ACTN1: variants seen among roughly 807,000 people sequenced by gnomAD.
ACTN1 encodes the protein alpha-actinin-1.
ACTN1 carries 30 observed loss-of-function variants against 119.6 expected under a neutral mutation model. The ratio of observed to expected loss-of-function variants is 0.25; its 90% CI spans 0.19 to 0.34. The LOEUF (loss-of-function observed/expected upper bound fraction) is 0.34. Ranked by LOEUF, ACTN1 falls within the 10% of genes least tolerant of loss-of-function variation. The pLI, the probability that ACTN1 is intolerant of heterozygous loss-of-function variation, is 1.00. For synonymous variants in ACTN1, 429 were observed against 472.6 expected, an observed-to-expected ratio of 0.91 and a Z score of 1.20; for missense variants, 764 against 1,223.4, an observed-to-expected ratio of 0.62 and a Z score of 5.60.
rs36108835 is a variant in ACTN1, at chr14:68,925,318, CTTTTTTT to C, written c.220+233_220+239del. On this transcript the variant is annotated intron_variant, in intron 2 of 21. Coordinates refer to ENST00000394419, the MANE Select transcript of ACTN1 (RefSeq NM_001130004.2). This position sits in a 1 kb window ranked among gnomAD's most constrained non-coding sequence, Gnocchi z 4.3. The stretch of plus-strand genomic sequence containing the variant: ...GAAGGAACCTCAGTTCCTTCAAACC[CTTTTTTT>C]TTTTTTTTTTTTTTTTAAAACAAAC... Among the ~76,000 whole-genome samples the C allele has an allele frequency of 1.2e-4, 14 of 121,258 alleles. No individual in the cohort carries two copies. The highest frequency in any genetic ancestry group is 2.4e-4 in the African/African-American group (8 of 33,112). The allele number at this position is 121,258 out of a possible 152,430, so 79.5% of individuals were successfully genotyped here. A position where few individuals can be genotyped will look rare whatever the true frequency, so the allele number is the denominator to read the frequency against.
In ACTN1 at chr14:68,881,933, CTTCTTT is replaced by C. The variant is rs1168139514; in HGVS notation, c.1953+519_1953+524del. ...CCTAGTATGGGACTTTCATAGGCAG[CTTCTTT>C]TTTTTTTTTTTTTTTTGACAGAGTC... On this transcript the variant is annotated intron_variant, in intron 16 of 21. Coordinates refer to ENST00000394419, the MANE Select transcript of ACTN1 (RefSeq NM_001130004.2). 3.1e-3 allele frequency among the ~76,000 whole-genome samples: 218 copies of C among 70,930 alleles called. 1 individual carries two copies. Among genetic ancestry groups the C allele is most frequent in the Middle Eastern group, 0.023 (3 of 132 alleles). 46.5% of individuals were successfully genotyped at this position (70,930 alleles called of 152,430 possible).
intron 1 of ACTN1, among the ~76,000 whole-genome samples, chr14:68,939,531 T>G (rs1038556231): frequency 6.6e-6 from 1 of 152,226 alleles, no homozygotes; most frequent in Non-Finnish European, 1.5e-5. Flanking sequence ...GGGCTCAGTC[T>G]GCTACCAGAC....
intron 1 of ACTN1, among the ~76,000 whole-genome samples, chr14:68,944,092 T>C (rs1171586372): frequency 6.6e-6 from 1 of 152,166 alleles, no homozygotes; most frequent in Admixed American, 6.5e-5. Flanking sequence ...ACTTCAACGC[T>C]TAAAGCCAGC....
rs1202458508 is a variant in ACTN1, at chr14:68,874,316, G to C, written c.*543C>G. 6.6e-6 allele frequency: 1 copy of C among 152,336 alleles called. No homozygotes were observed. Among genetic ancestry groups the C allele is most frequent in the Non-Finnish European group, 1.5e-5 (1 of 68,056 alleles). The allele number at this position is 152,336 out of a possible 1,614,324, so 9.4% of individuals were successfully genotyped here. A position where few individuals can be genotyped will look rare whatever the true frequency, so the allele number is the denominator to read the frequency against. On this transcript the variant is annotated 3_prime_UTR_variant, in exon 22 of 22. Transcript: ENST00000394419. The stretch of plus-strand genomic sequence containing the variant: ...CATAAATTCTCTTCCTTAAAAAACA[G>C]CCATTTCAAAAGATTTTCTTTAATA...
intron 1 of ACTN1, among the ~76,000 whole-genome samples, chr14:68,946,148 C>T (rs75442387): frequency 6.6e-6 from 1 of 152,072 alleles, no homozygotes. Context: ...CACAACTGTC[C>T]GTAACAGGGC....
Position 68,897,991 on chromosome 14 carries a change from T to TC in ACTN1, c.763-4245dup, listed in dbSNP as rs572970716. Among the ~76,000 whole-genome samples the TC allele has an allele frequency of 1.2e-3, 187 of 152,198 alleles. No homozygotes were observed. The Middle Eastern group carries it at 0.014, about 11-fold the overall frequency. On this transcript the variant is annotated intron_variant, in intron 8 of 21. Coordinates refer to ENST00000394419, the MANE Select transcript of ACTN1 (RefSeq NM_001130004.2). ...CCCTTCCCAAGGCCTTGCTAAGCCT[T>TC]CCCCCCACAGACCTCATGTTCAAGT...
At chr14:68,910,540 G>A (rs745890998) in intron 4 of ACTN1, among the ~76,000 whole-genome samples, 17 of 152,136 alleles carry the variant, frequency 1.1e-4, no homozygotes, top group Non-Finnish European at 1.9e-4. Context: ...TTTACTGCAC[G>A]GATCAATACT....
At chr14:68,927,687 G>A (rs754368855) in intron 1 of ACTN1, among the ~76,000 whole-genome samples, 1 of 152,214 alleles carries the variant, frequency 6.6e-6, no homozygotes, top group Non-Finnish European at 1.5e-5. Context: ...ACAGGGAAGC[G>A]TATGTACCAA....
chr14:68,956,597 C>A (rs185779853), intron 1 of ACTN1, among the ~76,000 whole-genome samples: 1 of 152,236 alleles, frequency 6.6e-6, no homozygotes, highest in Non-Finnish European at 1.5e-5. Context: ...GAGTGAACCT[C>A]TCCACTTGGG....
rs542794327 is a variant in ACTN1 at position 68,978,840 on chromosome 14, C to T, written c.105+112G>A. ...CGGCCGCACCGCCCCCGCCCCCTCC[C>T]GTGCGCGCCCGGAACCGGTTCAGAG... On this transcript the variant is annotated intron_variant, in intron 1 of 21. Transcript: ENST00000394419. 8 of 648,494 alleles carry T rather than the reference C, an allele frequency of 1.2e-5. No homozygotes were observed. The South Asian group carries it at 2.0e-4, about 16-fold the overall frequency. The allele number at this position is 648,494 out of a possible 1,614,324, so 40.2% of individuals were successfully genotyped here. A position where few individuals can be genotyped will look rare whatever the true frequency, so the allele number is the denominator to read the frequency against.
chr14:68,915,617 G>C (rs10143675), intron 3 of ACTN1, among the ~76,000 whole-genome samples: 1 of 152,128 alleles, frequency 6.6e-6, no homozygotes, highest in East Asian at 1.9e-4. Flanking sequence ...AACCACAAGT[G>C]GGGGAATGGG....
At position 68,874,965 on chromosome 14, in the gene ACTN1, T is replaced by C; in HGVS notation, c.2639A>G (p.Glu880Gly). 1 of 1,613,832 alleles carries C rather than the reference T, an allele frequency of 6.2e-7. No homozygotes were observed. The highest frequency in any genetic ancestry group is 8.5e-7 in the Non-Finnish European group (1 of 1,179,988). The stretch of plus-strand genomic sequence containing the variant: ...GGGGGCCATCCGCGCGATGCAGTAC[T>C]CAGCCTGGTCGGGTGGCAGCTCGCG... ...LRRELPPDQA[E>G]YCIARMAPYT... is the part of the protein sequence containing the mutation. Residue 880 changes from glutamate (E) to glycine (G), a missense_variant, in exon 22 of 22, where the codon GAG (glutamate) becomes GGG (glycine). Transcript: ENST00000394419.
intron 2 of ACTN1, 88 bp from the exon 3 acceptor site, chr14:68,921,213 C>T (rs1594816893): frequency 1.3e-6 from 2 of 1,531,434 alleles, no homozygotes; most frequent in East Asian, 2.3e-5. Flanking sequence ...ATCCAAAGCA[C>T]AGCTTAGCTA....
At chr14:68,978,604 C>G in intron 1 of ACTN1, 1 of 291,954 alleles carries the variant, frequency 3.4e-6, no homozygotes, top group South Asian at 3.5e-5. Context: ...GAGCCGGGGT[C>G]TCAGCCCCAG....
intron 1 of ACTN1, among the ~76,000 whole-genome samples, chr14:68,940,952 C>T (rs1325020229): frequency 1.3e-5 from 2 of 152,206 alleles, no homozygotes; most frequent in Non-Finnish European, 2.9e-5. Context: ...CCCTGGGTCA[C>T]CCGGACCCCT....
At chr14:68,962,184 TACG>T (rs2036561929) in intron 1 of ACTN1, among the ~76,000 whole-genome samples, 1 of 152,166 alleles carries the variant, frequency 6.6e-6, no homozygotes, top group Admixed American at 6.5e-5. Context: ...CTGCATCTTT[TACG>T]ACAAGAGCCC....
chr14:68,978,905 T>G (rs2140740028), intron 1 of ACTN1, 47 bp downstream of exon 1: 1 of 1,312,152 alleles, frequency 7.6e-7, no homozygotes, highest in Non-Finnish European at 1.0e-6. Context: ...GGGTCGGGGC[T>G]GGGGGCTGGG....
intron 1 of ACTN1, 57 bp downstream of exon 1, chr14:68,978,895 G>A (rs1415324490): frequency 5.6e-6 from 7 of 1,250,676 alleles, no homozygotes; most frequent in African/African-American, 1.6e-5. Flanking sequence ...CAGGCAGAGC[G>A]GGTCGGGGCT....
intron 1 of ACTN1, among the ~76,000 whole-genome samples, chr14:68,951,132 G>A (rs2036151499): frequency 1.3e-5 from 2 of 152,180 alleles, no homozygotes; most frequent in Admixed American, 1.3e-4. Context: ...CAGTGGCAGG[G>A]AAGCGCCACC....
Sources: gnomAD v4.1 joint callset for allele counts (sites outside exome capture counted in the v4.1 genomes callset) on GRCh38, gnomAD v4.1.1 for gene constraint, Gnocchi (gnomAD v3.1) non-coding constraint, MANE v1.5 for transcripts, NCBI Gene and HGNC (gene_info 2026-07-23, HGNC 2026-07-21) for gene names.